CDH12: variants seen among roughly 807,000 people sequenced by gnomAD.
The protein encoded by CDH12 is cadherin 12, also known as cadherin-12.
In CDH12, 41 loss-of-function variants were observed where a neutral mutation model predicts 74.1. The ratio of observed to expected loss-of-function variants is 0.55; its 90% CI spans 0.43 to 0.72. The LOEUF is 0.72. CDH12 is among the 30% of genes least tolerant of loss of function. The probability of loss-of-function intolerance (pLI) is 0.00; values close to 1 mark genes in which losing one functional copy is unlikely to be tolerated. For synonymous variants in CDH12, 399 were observed against 355.0 expected (o/e 1.12, Z -1.39); for missense variants, 945 against 977.2 (o/e 0.97, Z 0.44).
chr5:21,982,049 T>C (rs1044538350), intron 5 of CDH12, among the ~76,000 whole-genome samples: 7 of 152,140 alleles, frequency 4.6e-5, no homozygotes, highest in Non-Finnish European at 1.0e-4. Flanking sequence ...GCCCAGAGAT[T>C]TGGTCAAGCA....
intron 3 of CDH12, among the ~76,000 whole-genome samples, chr5:22,244,568 A>T (rs1752858682): frequency 7.8e-6 from 1 of 128,632 alleles, no homozygotes; most frequent in Non-Finnish European, 1.6e-5. Flanking sequence ...AGAGAGAAAG[A>T]GAGAGTAAGT....
intron 8 of CDH12, among the ~76,000 whole-genome samples, chr5:21,832,394 G>C (rs1267821575): frequency 6.6e-6 from 1 of 151,940 alleles, no homozygotes; most frequent in Non-Finnish European, 1.5e-5. Flanking sequence ...AGCCTATATA[G>C]AGCCTAGTAA....
intron 8 of CDH12, among the ~76,000 whole-genome samples, chr5:21,837,489 T>C (rs1561229531): frequency 1.3e-5 from 2 of 150,240 alleles, no homozygotes; most frequent in Non-Finnish European, 3.0e-5. Flanking sequence ...TTTTTTAGCA[T>C]AAGTGCTTAA....
In CDH12 at chr5:22,529,174, T is replaced by TAG. The variant is rs1490531842; in HGVS notation, c.-522-23811_-522-23810insCT. On this transcript the variant is annotated intron_variant, in intron 1 of 14. Coordinates refer to ENST00000382254, the MANE Select transcript of CDH12 (RefSeq NM_004061.5). ...ATATATATACACATGTGTATATATATATATATATATATATAGAGAGAGAGA... is the reference window on the plus strand; with the variant it reads ...ATATATATACACATGTGTATATATATAGATATATATATATATAGAGAGAGAGA... Among the ~76,000 whole-genome samples the TAG allele has an allele frequency of 1.6e-3, 126 of 76,632 alleles. 1 individual carries two copies. Among genetic ancestry groups the TAG allele is most frequent in the Middle Eastern group, 7.6e-3 (1 of 132 alleles). The allele number at this position is 76,632 out of a possible 152,430, so 50.3% of individuals were successfully genotyped here.
chr5:22,410,803 A>G (rs1743140547), intron 2 of CDH12, among the ~76,000 whole-genome samples: 1 of 152,106 alleles, frequency 6.6e-6, no homozygotes, highest in Non-Finnish European at 1.5e-5. Context: ...GAGATTTTGT[A>G]TGTTAAATTT....
chr5:21,790,936 G>A (rs1489444568), intron 10 of CDH12, among the ~76,000 whole-genome samples: 1 of 151,916 alleles, frequency 6.6e-6, no homozygotes, highest in Non-Finnish European at 1.5e-5. Context: ...TTCACACAAT[G>A]GTGCTTCTGT....
intron 4 of CDH12, among the ~76,000 whole-genome samples, chr5:22,085,588 A>G (rs1162553124): frequency 6.6e-6 from 1 of 152,128 alleles, no homozygotes; most frequent in South Asian, 2.1e-4. Context: ...GGAAAATAAT[A>G]CAACCTCCCC....
At chr5:22,327,632 G>T (rs925044308) in intron 3 of CDH12, among the ~76,000 whole-genome samples, 3 of 152,172 alleles carry the variant, frequency 2.0e-5, no homozygotes, top group South Asian at 2.1e-4. Flanking sequence ...TGGACAAAAA[G>T]AAATAAATAG....
intron 4 of CDH12, among the ~76,000 whole-genome samples, chr5:22,128,992 G>A (rs1364650733): frequency 6.6e-6 from 1 of 152,142 alleles, no homozygotes; most frequent in African/African-American, 2.4e-5. Flanking sequence ...ATAGTAACTT[G>A]TGCATAAATG....
At chr5:22,033,212 A>C (rs1028819283) in intron 5 of CDH12, among the ~76,000 whole-genome samples, 3 of 152,170 alleles carry the variant, frequency 2.0e-5, no homozygotes, top group African/African-American at 7.2e-5. Flanking sequence ...GCTGTAATTT[A>C]TTGCTCCAGG....
At position 22,475,593 on chromosome 5, in the gene CDH12, G is replaced by A. The variant is rs1047734088; in HGVS notation, c.-428+29677C>T. Among the ~76,000 whole-genome samples the A allele has an allele frequency of 3.7e-4, 56 of 151,960 alleles. 2 individuals are homozygous for A. Among genetic ancestry groups the A allele is most frequent in the Non-Finnish European group, 4.4e-5 (3 of 67,922 alleles). On this transcript the variant is annotated intron_variant, in intron 2 of 14. Transcript: ENST00000382254. ...CACTAGGATTCTAATTGCAATGCAA[G>A]TGAAGTTAAATCTATTACATTATAT...
chr5:22,070,349 G>T (rs1409074537), intron 5 of CDH12, among the ~76,000 whole-genome samples: 2 of 152,190 alleles, frequency 1.3e-5, no homozygotes, highest in Non-Finnish European at 2.9e-5. Context: ...TTAAGGGGAA[G>T]TGGACGGGTG....
At chr5:22,033,287 T>G (rs1304625646) in intron 5 of CDH12, among the ~76,000 whole-genome samples, 2 of 152,180 alleles carry the variant, frequency 1.3e-5, no homozygotes, top group African/African-American at 2.4e-5. Context: ...AAATAAAATC[T>G]ATTGTCCAAG....
chr5:22,264,064 G>C (rs1358410415), intron 3 of CDH12, among the ~76,000 whole-genome samples: 1 of 143,588 alleles, frequency 7.0e-6, no homozygotes, highest in Non-Finnish European at 1.5e-5. Context: ...AAATCTATAT[G>C]TATGTATTTA....
intron 3 of CDH12, among the ~76,000 whole-genome samples, chr5:22,355,773 T>C (rs1268937030): frequency 6.6e-6 from 1 of 152,040 alleles, no homozygotes; most frequent in Non-Finnish European, 1.5e-5. Flanking sequence ...GAATGTGAAC[T>C]AAACAACAAA....
chr5:21,882,757 A>C, intron 6 of CDH12: 2 of 1,603,122 alleles, frequency 1.2e-6, no homozygotes, highest in Non-Finnish European at 1.7e-6. Context: ...GTTACAATGG[A>C]GCCAAAGGGA....
chr5:22,501,712 C>T (rs954920477), intron 2 of CDH12, among the ~76,000 whole-genome samples: 3 of 149,308 alleles, frequency 2.0e-5, no homozygotes, highest in Non-Finnish European at 3.0e-5. Flanking sequence ...CAAAATTTAC[C>T]AAATGATTTT....
chr5:22,632,945 A>G (rs2126859219), intron 1 of CDH12, among the ~76,000 whole-genome samples: 1 of 152,254 alleles, frequency 6.6e-6, no homozygotes, highest in Middle Eastern at 3.4e-3. Context: ...GAACAAAAAC[A>G]AAGCAGGATA....
intron 8 of CDH12, among the ~76,000 whole-genome samples, chr5:21,836,462 A>AACACACACACACACACACACACAC (rs60658949): frequency 7.0e-6 from 1 of 143,430 alleles, no homozygotes; most frequent in Non-Finnish European, 1.5e-5. Flanking sequence ...TAGAAAGGAA[A>AACACACACACACACACACACACAC]ACACACACAC....
Sources: gnomAD v4.1 joint callset for allele counts (sites outside exome capture counted in the v4.1 genomes callset) on GRCh38, gnomAD v4.1.1 for gene constraint, MANE v1.5 for transcripts, NCBI Gene and HGNC (gene_info 2026-07-23, HGNC 2026-07-21) for gene names.